The following FOCAD variants were observed in gnomAD, a reference collection of about 807,000 sequenced individuals.
The protein encoded by FOCAD is focadhesin, also known as KIAA1797.
FOCAD carries 198 observed loss-of-function variants against 225.6 expected under a neutral mutation model. The ratio of observed to expected loss-of-function variants is 0.88; its 90% CI spans 0.78 to 0.99. The LOEUF is 0.99. Among genes scored for constraint, FOCAD ranks in the 50% least tolerant of loss-of-function variants. FOCAD has a pLI of 0.00. For missense variants in FOCAD, 2,713 were observed against 2,123.6 expected, an observed-to-expected ratio of 1.28 and a Z score of -5.46; for synonymous variants, 897 against 755.0, an observed-to-expected ratio of 1.19 and a Z score of -3.08.
Position 20,944,663 on chromosome 9 carries a change from C to T in FOCAD, c.3444C>T (p.Ser1148=), listed in dbSNP as rs534421791. 3.8e-5 allele frequency: 61 copies of T among 1,613,958 alleles called. No homozygotes were observed. The South Asian group carries it at 6.3e-4, about 17-fold the overall frequency. ...TATTGGGAGTTGGACTTGTTCTGTC[C>T]CTCATGAGCCACAGCAGCCAAATGC... ...GCILGVGLVL[S]LMSHSSQMQS... is the part of the protein sequence containing the mutation. The change falls in exon 29 of 44, where the codon TCC becomes TCT. Residue 1148 remains serine (S), a synonymous_variant. Transcript: ENST00000338382.
At chr9:20,740,186 G>T (rs746826054) in intron 4 of FOCAD, 50 bp from the exon 5 acceptor site, 17 of 1,185,588 alleles carry the variant, frequency 1.4e-5, no homozygotes, top group Non-Finnish European at 2.0e-5. Flanking sequence ...CACCTGATTA[G>T]AATATTCACT....
chr9:20,923,738 C>T lies in FOCAD; in HGVS notation c.2931C>T (p.Ser977=). ...LAVVVSRHEA[S]LSSDSDGLLE... ...TCGTCGTATCTAGACATGAAGCCAG[C>T]CTCTCCTCAGACTCTGACGGGCTCC... is the stretch of plus-strand genomic sequence containing the variant. The change falls in exon 25 of 44, where the codon AGC becomes AGT. Residue 977 remains serine (S), a synonymous_variant. Transcript: ENST00000338382. 6.2e-7 allele frequency: 1 copy of T among 1,613,866 alleles called. No homozygotes were observed. The highest frequency in any genetic ancestry group is 8.5e-7 in the Non-Finnish European group (1 of 1,179,890).
chr9:20,759,976 C>G (rs992167501), intron 6 of FOCAD, among the ~76,000 whole-genome samples: 3 of 152,282 alleles, frequency 2.0e-5, no homozygotes, highest in African/African-American at 7.2e-5. Context: ...TCACCAAGGC[C>G]TCCTGATGGC....
At chr9:20,860,645 G>A (rs1017198124) in intron 15 of FOCAD, among the ~76,000 whole-genome samples, 2 of 151,992 alleles carry the variant, frequency 1.3e-5, no homozygotes, top group South Asian at 2.1e-4. Context: ...ATTTTTGTGC[G>A]TGGCTGGGGC....
intron 15 of FOCAD, among the ~76,000 whole-genome samples, chr9:20,848,861 C>CTAT (rs899886683): frequency 2.6e-4 from 39 of 151,342 alleles, no homozygotes; most frequent in Admixed American, 1.8e-3. Context: ...TAAGTTGCTT[C>CTAT]TATTATTATT....
chr9:20,852,475 G>T (rs1209949933), intron 15 of FOCAD, among the ~76,000 whole-genome samples: 1 of 151,544 alleles, frequency 6.6e-6, no homozygotes, highest in East Asian at 1.9e-4. Flanking sequence ...ACATAGGGTG[G>T]GGGTGGGAGG....
intron 10 of FOCAD, among the ~76,000 whole-genome samples, chr9:20,787,591 A>G (rs1337125443): frequency 1.3e-5 from 2 of 150,148 alleles, no homozygotes; most frequent in Non-Finnish European, 1.5e-5. Context: ...TTTAATTTTT[A>G]AAATTTGTAA....
intron 5 of FOCAD, among the ~76,000 whole-genome samples, chr9:20,741,990 C>T (rs1827660279): frequency 6.6e-6 from 1 of 151,690 alleles, no homozygotes; most frequent in South Asian, 2.1e-4. Context: ...TATGAGTGAC[C>T]CATTTAAAAT....
chr9:20,773,866 C>A (rs570564612), intron 8 of FOCAD, among the ~76,000 whole-genome samples: 1 of 152,032 alleles, frequency 6.6e-6, no homozygotes, highest in Non-Finnish European at 1.5e-5. Context: ...GTATGGTGCC[C>A]TTTAATACAG....
At position 20,947,584 on chromosome 9, in the gene FOCAD, C is replaced by T. The variant is rs563584096; in HGVS notation, c.3676-687C>T. 7.2e-5 allele frequency among the ~76,000 whole-genome samples: 11 copies of T among 152,018 alleles called. No individual in the cohort carries two copies. The South Asian group carries it at 2.1e-3, about 29-fold the overall frequency. On this transcript the variant is annotated intron_variant, in intron 30 of 43. Coordinates refer to ENST00000338382, the MANE Select transcript of FOCAD (RefSeq NM_001375567.1). ...TGGAGATGGATGGTGGTATTGATTG[C>T]ATAGCAGTATGAGTGTACTTAATGC...
rs1837656185 is a variant in FOCAD, at chr9:20,951,195, T to C, written c.4051+97T>C. 45 of 880,908 alleles carry C rather than the reference T, an allele frequency of 5.1e-5. No individual in the cohort carries two copies. In the South Asian group the frequency reaches 6.6e-4, roughly 13 times the overall value. 54.6% of individuals were successfully genotyped at this position (880,908 alleles called of 1,614,324 possible). A position where few individuals can be genotyped will look rare whatever the true frequency, so the allele number is the denominator to read the frequency against. On this transcript the variant is annotated intron_variant, in intron 34 of 43. Coordinates refer to ENST00000338382, the MANE Select transcript of FOCAD (RefSeq NM_001375567.1). ...AGAGCATTAATCTTCACAACAACCC[T>C]AAGTAATGGGTATTACCATCTCTGT...
chr9:20,907,117 A>C, intron 21 of FOCAD, 33 bp from the exon 22 acceptor site: 1 of 1,473,714 alleles, frequency 6.8e-7, no homozygotes, highest in Non-Finnish European at 9.5e-7. Context: ...AATACTGTGT[A>C]GCCTAATATG....
At chr9:20,750,143 T>A (rs1332323) in intron 5 of FOCAD, among the ~76,000 whole-genome samples, 127,769 of 152,160 alleles carry the variant, frequency 0.84, 53,756 homozygotes, top group Admixed American at 0.9. Context: ...AGGGACTGTG[T>A]TAAATTGGCT....
chr9:20,966,817 T>C (rs932276669), intron 35 of FOCAD, among the ~76,000 whole-genome samples: 8 of 152,100 alleles, frequency 5.3e-5, no homozygotes, highest in African/African-American at 1.9e-4. Context: ...CAAAAATCAA[T>C]TGGGTATAAA....
chr9:20,851,128 A>G (rs1827604790), intron 15 of FOCAD, among the ~76,000 whole-genome samples: 1 of 151,398 alleles, frequency 6.6e-6, no homozygotes, highest in Admixed American at 6.6e-5. Context: ...CTCTAGTGAA[A>G]ACTTATTCCT....
chr9:20,718,897 GA>G (rs1312962446), intron 3 of FOCAD, among the ~76,000 whole-genome samples: 1 of 152,132 alleles, frequency 6.6e-6, no homozygotes, highest in Non-Finnish European at 1.5e-5. Context: ...ATGACATTTA[GA>G]ACCTTTTGAT....
At position 20,921,064 on chromosome 9, in the gene FOCAD, A is replaced by C. The variant is rs141880993; in HGVS notation, c.2853-2596A>C. On this transcript the variant is annotated intron_variant, in intron 24 of 43. Coordinates refer to ENST00000338382, the MANE Select transcript of FOCAD (RefSeq NM_001375567.1). ...TTTAGCAAATTTTCACATCCAAAAA[A>C]ATAAAAAAGAACATTTAAAGCTTCA... 4.8e-3 allele frequency among the ~76,000 whole-genome samples: 731 copies of C among 152,136 alleles called. 6 individuals carry two copies. Among genetic ancestry groups the C allele is most frequent in the African/African-American group, 0.016 (671 of 41,562 alleles).
chr9:20,681,074 C>T (rs1188416768), upstream of FOCAD, among the ~76,000 whole-genome samples: 1 of 152,156 alleles, frequency 6.6e-6, no homozygotes, highest in Non-Finnish European at 1.5e-5. Context: ...AGTCATATGA[C>T]ATTGAAGAAT....
chr9:20,963,632 CA>C (rs1838975221), intron 35 of FOCAD, among the ~76,000 whole-genome samples: 1 of 152,174 alleles, frequency 6.6e-6, no homozygotes, highest in Non-Finnish European at 1.5e-5. Context: ...GTAATTCTTG[CA>C]TAGGTATTTA....
Sources: gnomAD v4.1 joint callset for allele counts (sites outside exome capture counted in the v4.1 genomes callset) on GRCh38, gnomAD v4.1.1 for gene constraint, MANE v1.5 for transcripts, NCBI Gene and HGNC (gene_info 2026-07-23, HGNC 2026-07-21) for gene names.